CTSD: variants seen among roughly 807,000 people sequenced by gnomAD.
The protein encoded by CTSD is cathepsin D.
A neutral mutation model predicts 43.6 loss-of-function variants in CTSD; 28 were observed. The observed-to-expected ratio is 0.64, with a 90% CI of 0.48 to 0.88. The LOEUF is 0.88. CTSD is among the 40% of genes least tolerant of loss of function. CTSD has a pLI of 0.00. For missense variants in CTSD, 485 were observed against 555.2 expected (o/e 0.87, Z 1.27); for synonymous variants, 270 against 249.8 (o/e 1.08, Z -0.76).
At chr11:1,762,507 C>T (rs1011345577) in intron 1 of CTSD, 2 of 152,232 alleles carry the variant, frequency 1.3e-5, no homozygotes, top group African/African-American at 4.8e-5. Context: ...GCTGGCTTTT[C>T]CTGGCTTGTC....
chr11:1,759,784 T>A, intron 2 of CTSD, 145 bp from the exon 3 acceptor site: 6 of 842,262 alleles, frequency 7.1e-6, no homozygotes, highest in Non-Finnish European at 1.1e-5. Flanking sequence ...AGCCACCCAC[T>A]CCCACCTGCT....
Position 1,754,128 on chromosome 11 carries a change from C to T in CTSD, c.838G>A (p.Ala280Thr), listed in dbSNP as rs759180698. 9 of 1,609,104 alleles carry T rather than the reference C, an allele frequency of 5.6e-6. No homozygotes were observed. Among genetic ancestry groups the T allele is most frequent in the Non-Finnish European group, 1.7e-6 (2 of 1,179,634 alleles). ...TCCTTGCACAGGGTCAGCCCGCTGGCCACCTCCACCCTGCGGGGAGTCAGG... is the reference window on the plus strand; with the variant it reads ...TCCTTGCACAGGGTCAGCCCGCTGGTCACCTCCACCCTGCGGGGAGTCAGG... ...WQVHLDQVEVASGLTLCKEGC... is the reference protein window; with the variant it reads ...WQVHLDQVEVTSGLTLCKEGC... Residue 280 changes from alanine to threonine, a missense_variant, in exon 7 of 9, where the codon GCC becomes ACC. Physicochemically the swap from Ala to Thr is moderately conservative, Grantham distance 58. Transcript: ENST00000236671.
chr11:1,763,483 T>TC, intron 1 of CTSD: 1 of 391,036 alleles, frequency 2.6e-6, no homozygotes, highest in Non-Finnish European at 4.6e-6. Flanking sequence ...GAGCACTACC[T>TC]CCCCCCGCCC....
At chr11:1,754,881 G>A in intron 6 of CTSD, 25 bp downstream of exon 6, 1 of 1,613,442 alleles carries the variant, frequency 6.2e-7, no homozygotes, top group East Asian at 2.2e-5. Flanking sequence ...AGAACCCAGG[G>A]GAGCCGACTG....
At position 1,753,790 on chromosome 11, in the gene CTSD, A is replaced by G. The variant is rs772659587; in HGVS notation, c.1071+13T>C. 1.2e-6 allele frequency: 2 copies of G among 1,611,492 alleles called. No individual in the cohort carries two copies. The highest frequency in any genetic ancestry group is 2.2e-5 in the South Asian group (2 of 91,006). Reference sequence around the variant, plus strand: ...GCTCACCTGGGGCGTGCGGCACCCCATTGCCCGCTCACCTTGAGCGTGTAG... The same window carrying G: ...GCTCACCTGGGGCGTGCGGCACCCCGTTGCCCGCTCACCTTGAGCGTGTAG... On this transcript the variant is annotated intron_variant, in intron 8 of 8. Coordinates refer to ENST00000236671, the MANE Select transcript of CTSD (RefSeq NM_001909.5).
At position 1,761,462 on chromosome 11, in the gene CTSD, C is replaced by T. The variant is rs140563067; in HGVS notation, c.75G>A (p.Pro25=). 9.1e-5 allele frequency: 147 copies of T among 1,613,810 alleles called. No homozygotes were observed. In the African/African-American group the frequency reaches 1.7e-3, roughly 18 times the overall value. The part of the protein sequence containing the change: ...AAPASALVRI[P]LHKFTSIRRT... ...GGCGGATGGACGTGAACTTGTGCAG[C>T]GGGATCCTGTCAACCACGGGTCGGG... The change falls in exon 2 of 9, where the codon CCG becomes CCA. Residue 25 remains proline (P), a synonymous_variant. Coordinates refer to ENST00000236671, the MANE Select transcript of CTSD (RefSeq NM_001909.5).
chr11:1,754,221 C>G (rs1333551362), intron 6 of CTSD, 83 bp from the exon 7 acceptor site: 5 of 1,498,762 alleles, frequency 3.3e-6, no homozygotes, highest in Middle Eastern at 1.7e-4. Context: ...GAGCCCCTCC[C>G]CTGGCTGGGC....
Position 1,757,370 on chromosome 11 carries a change from G to T in CTSD, c.658C>A (p.Gln220Lys). The change falls in exon 5 of 9, where the codon CAG becomes AAG. Residue 220 changes from glutamine (Q) to lysine (K), a missense_variant. By Grantham distance (53) the Gln-to-Lys change is moderately conservative. Transcript: ENST00000236671. ...ATGTTCTGGTCCACCAGCTTCTGCT[G>T]CATCAGGTTGTCGAAGACGGGCAGC... Reference protein sequence around the residue: ...NVLPVFDNLMQQKLVDQNIFS... With the variant: ...NVLPVFDNLMKQKLVDQNIFS... The T allele has an allele frequency of 6.2e-7, 1 of 1,614,136 alleles. No homozygotes were observed. Among genetic ancestry groups the T allele is most frequent in the South Asian group, 1.1e-5 (1 of 91,092 alleles).
intron 2 of CTSD, 159 bp downstream of exon 2, chr11:1,761,150 G>T: frequency 1.3e-6 from 1 of 744,538 alleles, no homozygotes; most frequent in East Asian, 2.7e-5. Context: ...GTTCCAGAAT[G>T]GGGAAGAAAG....
chr11:1,763,801 G>A lies in CTSD; in HGVS notation c.59C>T (p.Ala20Val). 1 of 1,526,132 alleles carries A rather than the reference G, an allele frequency of 6.6e-7. No individual in the cohort carries two copies. Among genetic ancestry groups the A allele is most frequent in the Non-Finnish European group, 8.7e-7 (1 of 1,142,894 alleles). 94.5% of individuals were successfully genotyped at this position (1,526,132 alleles called of 1,614,324 possible). ...ALCLLAAPASALVRIPLHKFT... is the reference protein window; with the variant it reads ...ALCLLAAPASVLVRIPLHKFT... Reference sequence around the variant, plus strand: ...GCCCCTGAGGCTTCACCTGACGAGCGCGGAGGCGGGTGCAGCCAGCAGGCA... The same window carrying A: ...GCCCCTGAGGCTTCACCTGACGAGCACGGAGGCGGGTGCAGCCAGCAGGCA... Residue 20 changes from alanine (A) to valine (V), a missense_variant, in exon 1 of 9, where the codon GCG becomes GTG. Physicochemically the swap from Ala to Val is moderately conservative, Grantham distance 64. Transcript: ENST00000236671.
At position 1,761,344 on chromosome 11, in the gene CTSD, C is replaced by T; in HGVS notation, c.193G>A (p.Gly65Arg). ...TTCTTGAGCACCTCGGGAATGGGCC[C>T]CTCGGTCACGGCTGGCACCGCCTGG... ...YSQAVPAVTE[G>R]PIPEVLKNYM... The change falls in exon 2 of 9, where the codon GGG becomes AGG. Residue 65 changes from glycine to arginine, a missense_variant. Transcript: ENST00000236671. 1 of 1,613,882 alleles carries T rather than the reference C, an allele frequency of 6.2e-7. No homozygotes were observed. The highest frequency in any genetic ancestry group is 8.5e-7 in the Non-Finnish European group (1 of 1,180,010).
At chr11:1,755,778 A>C (rs2133660606) in intron 5 of CTSD, among the ~76,000 whole-genome samples, 1 of 152,196 alleles carries the variant, frequency 6.6e-6, no homozygotes, top group South Asian at 2.1e-4. Flanking sequence ...AGGCAGTGCC[A>C]GGCCTGACCC....
In CTSD at chr11:1,763,837, G is replaced by A. The variant is rs1231849327; in HGVS notation, c.23C>T (p.Pro8Leu). The change falls in exon 1 of 9, where the codon CCG (proline) becomes CTG (leucine). Residue 8 changes from proline (P) to leucine (L), a missense_variant. Pro to Leu is a moderately conservative substitution (Grantham distance 98). Transcript: ENST00000236671. ...TGCAGCCAGCAGGCAGAGGGCGAGC[G>A]GCAGAAGGCTGGAGGGCTGCATGGC... The part of the protein sequence containing the change: MQPSSLL[P>L]LALCLLAAPA... 2.6e-6 allele frequency: 4 copies of A among 1,528,350 alleles called. No homozygotes were observed. Among genetic ancestry groups the A allele is most frequent in the East Asian group, 5.0e-5 (2 of 39,650 alleles). 94.7% of individuals were successfully genotyped at this position (1,528,350 alleles called of 1,614,324 possible).
chr11:1,759,067 T>C lies in CTSD; in HGVS notation c.373A>G (p.Ser125Gly), dbSNP rs769257196. 2 of 1,613,964 alleles carry C rather than the reference T, an allele frequency of 1.2e-6. No homozygotes were observed. Among genetic ancestry groups the C allele is most frequent in the Non-Finnish European group, 1.7e-6 (2 of 1,179,842 alleles). Residue 125 changes from serine (S) to glycine (G), a missense_variant, in exon 4 of 9, where the codon AGC becomes GGC. By Grantham distance (56) the Ser-to-Gly change is moderately conservative (BLOSUM62 0). Coordinates refer to ENST00000236671, the MANE Select transcript of CTSD (RefSeq NM_001909.5). The stretch of plus-strand genomic sequence containing the variant: ...TTCACGTAGGTGCTGGACTTGTCGC[T>C]GTTGTACTTGTGGTGGATCCCTGCC... The part of the protein sequence containing the change: ...IACWIHHKYN[S>G]DKSSTYVKNG...
chr11:1,763,875 G>T lies in CTSD; in HGVS notation c.-16C>A. 6.6e-7 allele frequency: 1 copy of T among 1,520,216 alleles called. No individual in the cohort carries two copies. 94.2% of individuals were successfully genotyped at this position (1,520,216 alleles called of 1,614,324 possible). A position where few individuals can be genotyped will look rare whatever the true frequency, so the allele number is the denominator to read the frequency against. On this transcript the variant is annotated 5_prime_UTR_variant, in exon 1 of 9. Transcript: ENST00000236671. ...AGGGCTGCATGGCGGCGGCGGCCGGGTCGGAGAGGGTCGCCGAGGCCGTGC... is the reference window on the plus strand; with the variant it reads ...AGGGCTGCATGGCGGCGGCGGCCGGTTCGGAGAGGGTCGCCGAGGCCGTGC...
chr11:1,759,076 TGTG>T lies in CTSD; in HGVS notation c.361_363del (p.His121del). On this transcript the variant is annotated inframe_deletion, in exon 4 of 9. Coordinates refer to ENST00000236671, the MANE Select transcript of CTSD (RefSeq NM_001909.5). ...GTGCTGGACTTGTCGCTGTTGTACT[TGTG>T]GTGGATCCCTGCCCCGGGCGACAAG... The T allele has an allele frequency of 6.2e-7, 1 of 1,613,628 alleles. No homozygotes were observed. Among genetic ancestry groups the T allele is most frequent in the Non-Finnish European group, 8.5e-7 (1 of 1,179,536 alleles).
chr11:1,753,311 G>T lies in CTSD; in HGVS notation c.*192C>A. On this transcript the variant is annotated 3_prime_UTR_variant, in exon 9 of 9. Coordinates refer to ENST00000236671, the MANE Select transcript of CTSD (RefSeq NM_001909.5). The stretch of plus-strand genomic sequence containing the variant: ...AGATGGAGAGACAGACAGGCAGGCA[G>T]CATTTCTGAACCCAGGGAGGGGAAA... 1 of 659,970 alleles carries T rather than the reference G, an allele frequency of 1.5e-6. No individual in the cohort carries two copies. The highest frequency in any genetic ancestry group is 1.7e-5 in the South Asian group (1 of 58,562). 40.9% of individuals were successfully genotyped at this position (659,970 alleles called of 1,614,324 possible).
intron 4 of CTSD, 56 bp from the exon 5 acceptor site, chr11:1,757,612 CCT>C (rs2133662218): frequency 7.1e-7 from 1 of 1,411,078 alleles, no homozygotes; most frequent in Non-Finnish European, 9.8e-7. Context: ...TACACCACTC[CCT>C]GAGCATGAGG....
Position 1,753,392 on chromosome 11 carries a change from G to T in CTSD, c.*111C>A. The stretch of plus-strand genomic sequence containing the variant: ...GGCCGCCGGCTTCCAGGGCGCCCAG[G>T]ACAGTGGGCGGGCGAGTGTGTGGGT... On this transcript the variant is annotated 3_prime_UTR_variant, in exon 9 of 9. Coordinates refer to ENST00000236671, the MANE Select transcript of CTSD (RefSeq NM_001909.5). 7.4e-7 allele frequency: 1 copy of T among 1,357,874 alleles called. No individual in the cohort carries two copies. The highest frequency in any genetic ancestry group is 1.0e-6 in the Non-Finnish European group (1 of 952,806). The allele number at this position is 1,357,874 out of a possible 1,614,324, so 84.1% of individuals were successfully genotyped here.
Sources: gnomAD v4.1 joint callset for allele counts (sites outside exome capture counted in the v4.1 genomes callset) on GRCh38, gnomAD v4.1.1 for gene constraint, MANE v1.5 for transcripts, NCBI Gene and HGNC (gene_info 2026-07-23, HGNC 2026-07-21) for gene names.